PTPN22: variants seen among roughly 807,000 people sequenced by gnomAD.
The protein encoded by PTPN22 is protein tyrosine phosphatase non-receptor type 22.
Under a neutral mutation model 103.3 loss-of-function variants are expected in PTPN22, and 85 were observed. The observed-to-expected ratio is 0.82, with a 90% CI of 0.69 to 0.99. PTPN22 has a LOEUF of 0.99. Ranked by LOEUF, PTPN22 falls within the 50% of genes least tolerant of loss-of-function variation. The pLI is 0.00. For synonymous variants in PTPN22, 323 were observed against 310.2 expected (o/e 1.04, Z -0.43); for missense variants, 865 against 936.9 (o/e 0.92, Z 1.00).
chr1:113,817,348 C>T (rs185022334), intron 20 of PTPN22, among the ~76,000 whole-genome samples: 220 of 152,284 alleles, frequency 1.4e-3, no homozygotes, highest in African/African-American at 5.2e-3. Context: ...GAAAATAAAC[C>T]TGAATCATAA....
chr1:113,849,208 T>C (rs1370820750), intron 10 of PTPN22, among the ~76,000 whole-genome samples: 1 of 152,210 alleles, frequency 6.6e-6, no homozygotes, highest in African/African-American at 2.4e-5. Context: ...CTTAGTTCAG[T>C]GCATTTAGAT....
intron 20 of PTPN22, among the ~76,000 whole-genome samples, chr1:113,815,765 G>A (rs968621800): frequency 5.3e-5 from 8 of 152,172 alleles, no homozygotes; most frequent in Admixed American, 2.0e-4. Flanking sequence ...TGCAACCTCC[G>A]CCTCCCGGGT....
At chr1:113,826,802 T>C (rs955111944) in intron 18 of PTPN22, among the ~76,000 whole-genome samples, 7 of 148,824 alleles carry the variant, frequency 4.7e-5, no homozygotes. Flanking sequence ...CCCAAGTAGC[T>C]GGGACTACAG....
exon 12 of PTPN22, chr1:113,838,600 A>G (rs773646941): frequency 2.9e-5 from 46 of 1,613,618 alleles, no homozygotes; most frequent in Non-Finnish European, 3.6e-5. Context: ...TTTTCTCAGG[A>G]ATACAATGCT....
chr1:113,841,755 A>G (rs901480765), intron 11 of PTPN22, among the ~76,000 whole-genome samples: 2 of 152,082 alleles, frequency 1.3e-5, no homozygotes, highest in African/African-American at 4.8e-5. Context: ...GGCACACGCC[A>G]CCACACCCGG....
chr1:113,841,236 AAAAAG>A (rs1663519550), intron 11 of PTPN22, among the ~76,000 whole-genome samples: 2 of 152,188 alleles, frequency 1.3e-5, no homozygotes, highest in African/African-American at 4.8e-5. Context: ...AAGGAAAAAA[AAAAAG>A]AGAGAGAATG....
At chr1:113,859,581 G>T (rs902669622) in intron 1 of PTPN22, 121 bp from the exon 2 acceptor site, 5 of 764,926 alleles carry the variant, frequency 6.5e-6, no homozygotes, top group Non-Finnish European at 1.1e-5. Context: ...TTATCTTCTG[G>T]TTCTGACTCC....
exon 3 of PTPN22, chr1:113,859,005 A>C: frequency 4.3e-6 from 7 of 1,613,598 alleles, no homozygotes; most frequent in Non-Finnish European, 5.9e-6. Flanking sequence ...ACTGTACCTT[A>C]ATGAAGTTGG....
At chr1:113,814,833 A>T in exon 21 of PTPN22, 1 of 1,124,050 alleles carries the variant, frequency 8.9e-7, no homozygotes, top group South Asian at 1.3e-5. Flanking sequence ...CACTTATTTT[A>T]ACTAGCAGTA....
chr1:113,871,245 A>T (rs1450902894), intron 1 of PTPN22, among the ~76,000 whole-genome samples: 1 of 152,242 alleles, frequency 6.6e-6, no homozygotes, highest in African/African-American at 2.4e-5. Context: ...GGAAATCTGG[A>T]TGTTCAATTA....
At chr1:113,819,982 T>C (rs1284557907) in intron 19 of PTPN22, 1 of 167,594 alleles carries the variant, frequency 6.0e-6, no homozygotes, top group African/African-American at 2.4e-5. Context: ...ACATTTTGGC[T>C]TTGGACTTCA....
Position 113,819,657 on chromosome 1 carries a change from A to G in PTPN22, c.2282-3T>C. On this transcript the variant is annotated splice_polypyrimidine_tract_variant and splice_region_variant and intron_variant, in intron 19 of 20. Coordinates refer to ENST00000359785, the Ensembl canonical transcript of PTPN22. ...TGGTGGGCAAGAATTACAGATACCT[A>G]GAATCAAAAGAAAAAAATATAAGGG... is the stretch of plus-strand genomic sequence containing the variant. The G allele has an allele frequency of 6.3e-7, 1 of 1,576,982 alleles. No homozygotes were observed. The highest frequency in any genetic ancestry group is 1.2e-5 in the South Asian group (1 of 86,844).
intron 1 of PTPN22, among the ~76,000 whole-genome samples, chr1:113,863,341 C>T (rs542614611): frequency 6.6e-6 from 1 of 152,326 alleles, no homozygotes; most frequent in South Asian, 2.1e-4. Flanking sequence ...GATCCGCCTG[C>T]CTCAGCCTCC....
At chr1:113,867,826 C>T (rs1666241066) in intron 1 of PTPN22, among the ~76,000 whole-genome samples, 1 of 152,242 alleles carries the variant, frequency 6.6e-6, no homozygotes, top group Admixed American at 6.5e-5. Flanking sequence ...CTGCCATTAA[C>T]AGGACTGCCA....
At chr1:113,843,511 T>C (rs1171229816) in intron 11 of PTPN22, among the ~76,000 whole-genome samples, 1 of 152,026 alleles carries the variant, frequency 6.6e-6, no homozygotes, top group East Asian at 1.9e-4. Context: ...AGTAGAAGGA[T>C]GGTTGCCAGG....
chr1:113,864,465 T>C, intron 1 of PTPN22: 1 of 299,924 alleles, frequency 3.3e-6, no homozygotes, highest in Non-Finnish European at 6.5e-6. Context: ...CAAATTGAGA[T>C]CTAAAGAATT....
Position 113,859,347 on chromosome 1 carries a change from C to T in PTPN22, c.196+5G>A. Reference sequence around the variant, plus strand: ...TATGAGTTTATAGAGAGAAATGGAACTTACAGGGCAAAATATCCTTATATC... The same window carrying T: ...TATGAGTTTATAGAGAGAAATGGAATTTACAGGGCAAAATATCCTTATATC... On this transcript the variant is annotated splice_donor_5th_base_variant and intron_variant, in intron 2 of 20. Transcript: ENST00000359785. 6.2e-7 allele frequency: 1 copy of T among 1,604,836 alleles called. No homozygotes were observed. Among genetic ancestry groups the T allele is most frequent in the Non-Finnish European group, 8.5e-7 (1 of 1,172,202 alleles).
chr1:113,848,847 A>G (rs1304555486), intron 10 of PTPN22, among the ~76,000 whole-genome samples: 1 of 152,200 alleles, frequency 6.6e-6, no homozygotes, highest in African/African-American at 2.4e-5. Context: ...TAAATATTTG[A>G]TACACCTCTA....
At chr1:113,854,508 C>G in exon 9 of PTPN22, 1 of 1,613,940 alleles carries the variant, frequency 6.2e-7, no homozygotes, top group Non-Finnish European at 8.5e-7. Flanking sequence ...ATCAATAGCA[C>G]AAATAACACC....
Sources: gnomAD v4.1 joint callset for allele counts (sites outside exome capture counted in the v4.1 genomes callset) on GRCh38, gnomAD v4.1.1 for gene constraint, MANE v1.5 for transcripts, NCBI Gene and HGNC (gene_info 2026-07-23, HGNC 2026-07-21) for gene names.